The following CHAF1A variants were observed in gnomAD, a reference collection of about 807,000 sequenced individuals.
The protein encoded by CHAF1A is chromatin assembly factor 1 subunit A, also known as CAF-1 subunit A.
A neutral mutation model predicts 93.2 loss-of-function variants in CHAF1A; 5 were observed. The observed-to-expected ratio is 0.05, with a 90% CI of 0.03 to 0.11. The LOEUF is 0.11. Ranked by LOEUF, CHAF1A falls within the 10% of genes least tolerant of loss-of-function variation. The probability of loss-of-function intolerance (pLI) is 1.00; values close to 1 mark genes in which losing one functional copy is unlikely to be tolerated. For synonymous variants in CHAF1A, 504 were observed against 510.3 expected, an observed-to-expected ratio of 0.99 and a Z score of 0.17; for missense variants, 1,102 against 1,259.9, an observed-to-expected ratio of 0.87 and a Z score of 1.90.
chr19:4,409,510 G>A lies in CHAF1A; in HGVS notation c.711G>A (p.Val237=). The change falls in exon 3 of 15, where the codon GTG becomes GTA. Residue 237 remains valine (V), a synonymous_variant. Coordinates refer to ENST00000301280, the MANE Select transcript of CHAF1A (RefSeq NM_005483.3). ...EAGGILFKGK[V]PMVVLQDILA... ...GGGGCATCCTGTTCAAAGGGAAGGT[G>A]CCTATGGTGGTCTTGCAGGACATCT... 6.2e-7 allele frequency: 1 copy of A among 1,614,122 alleles called. No individual in the cohort carries two copies. Among genetic ancestry groups the A allele is most frequent in the Non-Finnish European group, 8.5e-7 (1 of 1,180,008 alleles).
At chr19:4,430,522 G>A in intron 10 of CHAF1A, 27 bp from the exon 11 acceptor site, 1 of 1,488,348 alleles carries the variant, frequency 6.7e-7, no homozygotes, top group African/African-American at 1.4e-5. Context: ...TCTATCTGAT[G>A]AACTCTTTTT....
At chr19:4,415,453 C>T (rs1973881306) in intron 3 of CHAF1A, among the ~76,000 whole-genome samples, 2 of 152,118 alleles carry the variant, frequency 1.3e-5, no homozygotes, top group African/African-American at 4.8e-5. Context: ...AACTGAATTC[C>T]CCGCCACCCC....
At chr19:4,445,552 C>G (rs1345649979), downstream of CHAF1A, 4 of 1,613,754 alleles carry the variant, frequency 2.5e-6, no homozygotes, top group African/African-American at 5.3e-5. Flanking sequence ...TGGAGTCCGG[C>G]TCGGCCCCCG....
At chr19:4,448,271 G>A (rs1000017959), downstream of CHAF1A, 1 of 1,516,458 alleles carries the variant, frequency 6.6e-7, no homozygotes, top group African/African-American at 1.4e-5. Flanking sequence ...GAGGGGTGCT[G>A]GGATGAGCTG....
intron 10 of CHAF1A, chr19:4,430,197 A>T: frequency 3.1e-6 from 1 of 323,884 alleles, no homozygotes; most frequent in African/African-American, 2.2e-5. Flanking sequence ...TGTTTCTTTA[A>T]GATGGAGTCT....
At position 4,407,488 on chromosome 19, in the gene CHAF1A, T is replaced by A. The variant is rs191712021; in HGVS notation, c.104-1415T>A. 1.5e-4 allele frequency among the ~76,000 whole-genome samples: 23 copies of A among 149,998 alleles called. No homozygotes were observed. The East Asian group carries it at 4.3e-3, about 28-fold the overall frequency. On this transcript the variant is annotated intron_variant, in intron 2 of 14. Coordinates refer to ENST00000301280, the MANE Select transcript of CHAF1A (RefSeq NM_005483.3). ...AAAAAAAAAAAACCCTGTCCACAAA[T>A]GTGTCTATATTTTCTACTTGAGAAC...
chr19:4,429,324 A>T, intron 8 of CHAF1A, 114 bp from the exon 9 acceptor site: 1 of 1,239,858 alleles, frequency 8.1e-7, no homozygotes, highest in Non-Finnish European at 1.1e-6. Flanking sequence ...CTGCTTTTTA[A>T]CAAATGCCCA....
At position 4,443,016 on chromosome 19, in the gene CHAF1A, T is replaced by G. The variant is rs751387622; in HGVS notation, c.2862T>G (p.Gly954=). 2.5e-6 allele frequency: 4 copies of G among 1,587,596 alleles called. No individual in the cohort carries two copies. The highest frequency in any genetic ancestry group is 3.4e-6 in the Non-Finnish European group (4 of 1,165,964). ...CCACCCTGACCGCGAGCCCACTGGG[T>G]GCATCCTGAGAGCAGGGGTGACGTA... ...GKATLTASPL[G]AS is the part of the protein sequence containing the mutation. Residue 954 remains glycine, a synonymous_variant, in exon 15 of 15, where the codon GGT becomes GGG. Coordinates refer to ENST00000301280, the MANE Select transcript of CHAF1A (RefSeq NM_005483.3).
rs937811978 is a variant in CHAF1A, at chr19:4,442,416, G to A, written c.2770+75G>A. On this transcript the variant is annotated intron_variant, in intron 14 of 14. Transcript: ENST00000301280. ...GGTAAACCTCAACAGAGAAGGGATG[G>A]GGCTGCCTAAGACTAGCTCCACTGT... 3.2e-6 allele frequency: 4 copies of A among 1,259,138 alleles called. No homozygotes were observed. In the African/African-American group the frequency reaches 5.9e-5, roughly 19 times the overall value. 78.0% of individuals were successfully genotyped at this position (1,259,138 alleles called of 1,614,324 possible). A position where few individuals can be genotyped will look rare whatever the true frequency, so the allele number is the denominator to read the frequency against.
intron 1 of CHAF1A, among the ~76,000 whole-genome samples, chr19:4,404,099 G>A (rs528411066): frequency 6.6e-6 from 1 of 152,078 alleles, no homozygotes; most frequent in East Asian, 1.9e-4. Flanking sequence ...GGGATTACAG[G>A]CATGAGCCAC....
rs955608976 is a variant in CHAF1A at position 4,433,720 on chromosome 19, G to T, written c.2673+181G>T. ...GGGTTCAAGTGATTCTCCTGCCTTA[G>T]CCTCCTGAGTAGCTGGGATTACAGG... On this transcript the variant is annotated intron_variant, in intron 13 of 14. Transcript: ENST00000301280. This position sits in a 1 kb window ranked among gnomAD's most constrained non-coding sequence, Gnocchi z 5.6. Among the ~76,000 whole-genome samples the T allele has an allele frequency of 6.6e-6, 1 of 151,804 alleles. No individual in the cohort carries two copies. The highest frequency in any genetic ancestry group is 1.5e-5 in the Non-Finnish European group (1 of 67,964).
At chr19:4,408,771 G>A in intron 2 of CHAF1A, 132 bp from the exon 3 acceptor site, 1 of 1,172,168 alleles carries the variant, frequency 8.5e-7, no homozygotes, top group South Asian at 1.5e-5. Flanking sequence ...ACCACACCCG[G>A]CCCAGATAGT....
chr19:4,448,305 G>A (rs781209925), downstream of CHAF1A: 6 of 1,594,494 alleles, frequency 3.8e-6, no homozygotes, highest in South Asian at 1.1e-5. Context: ...GGGCAAAGGG[G>A]CCACACGCTC....
intron 13 of CHAF1A, among the ~76,000 whole-genome samples, chr19:4,434,295 A>G (rs553356542): frequency 5.9e-5 from 9 of 152,280 alleles, no homozygotes; most frequent in African/African-American, 2.2e-4. Flanking sequence ...GCAGTGAGCT[A>G]TGATCATGCC....
At chr19:4,418,193 G>C in intron 4 of CHAF1A, 117 bp downstream of exon 4, 2 of 633,984 alleles carry the variant, frequency 3.2e-6, no homozygotes, top group Non-Finnish European at 5.4e-6. Context: ...AGCCTTCTCT[G>C]ACCATCATTT....
At chr19:4,441,093 G>A (rs867564630) in intron 13 of CHAF1A, among the ~76,000 whole-genome samples, 4 of 151,948 alleles carry the variant, frequency 2.6e-5, no homozygotes, top group Middle Eastern at 6.9e-3. Flanking sequence ...CAAGGCAGGC[G>A]GATCACTTCA....
intron 3 of CHAF1A, among the ~76,000 whole-genome samples, chr19:4,417,456 G>A (rs1034601837): frequency 1.0e-5 from 1 of 98,552 alleles, no homozygotes; most frequent in Non-Finnish European, 2.1e-5. Context: ...GCCAGCTGTC[G>A]CTTTTTTTTT....
chr19:4,422,025 T>A lies in CHAF1A; in HGVS notation c.1018-541T>A, dbSNP rs1239232368. 2.6e-5 allele frequency among the ~76,000 whole-genome samples: 4 copies of A among 151,018 alleles called. No individual in the cohort carries two copies. The highest frequency in any genetic ancestry group is 6.6e-5 in the Admixed American group (1 of 15,114). ...CCTGGCTAATTTTTTTTTTTTTTTT[T>A]ATTAAATGGAGTCTCACTCTGTCAC... On this transcript the variant is annotated intron_variant, in intron 4 of 14. Transcript: ENST00000301280. The surrounding 1 kb of genome is among the most constrained non-coding windows in gnomAD (Gnocchi z 4.6).
intron 7 of CHAF1A, among the ~76,000 whole-genome samples, chr19:4,424,076 T>C (rs867452634): frequency 6.6e-6 from 1 of 152,226 alleles, no homozygotes; most frequent in Non-Finnish European, 1.5e-5. Context: ...AAAAGTGGCA[T>C]GTCTGATTAA....
Sources: allele counts gnomAD v4.1 joint callset (sites outside exome capture counted in the v4.1 genomes callset), GRCh38; gene constraint gnomAD v4.1.1; non-coding constraint Gnocchi (gnomAD v3.1); transcripts MANE v1.5; gene names NCBI Gene and HGNC (gene_info 2026-07-23, HGNC 2026-07-21).